Variants in PDE11A observed in about 807,000 individuals in gnomAD.
The protein encoded by PDE11A is phosphodiesterase 11A, also known as dual 3',5'-cyclic-AMP and -GMP phosphodiesterase 11A.
Under a neutral mutation model 100.5 loss-of-function variants are expected in PDE11A, and 100 were observed. The observed-to-expected ratio is 1.00, with a 90% CI of 0.85 to 1.18. PDE11A has a LOEUF of 1.18. Ranked by LOEUF, PDE11A falls within the 50% of genes most tolerant of loss-of-function variation. PDE11A has a pLI of 0.00. For missense variants in PDE11A, 1,141 were observed against 1,152.6 expected (o/e 0.99, Z 0.15); for synonymous variants, 381 against 420.8 (o/e 0.91, Z 1.16).
chr2:177,958,054 C>A (rs1405833616), intron 2 of PDE11A, among the ~76,000 whole-genome samples: 1 of 151,974 alleles, frequency 6.6e-6, no homozygotes, highest in African/African-American at 2.4e-5. Context: ...CCATGCCCTG[C>A]TAATTTTTGT....
At chr2:177,884,794 G>A (rs2084400252) in intron 4 of PDE11A, among the ~76,000 whole-genome samples, 1 of 152,202 alleles carries the variant, frequency 6.6e-6, no homozygotes, top group African/African-American at 2.4e-5. Context: ...TGAGAGATCA[G>A]TAAAGACACA....
intron 9 of PDE11A, among the ~76,000 whole-genome samples, chr2:177,778,455 T>C (rs1306919373): frequency 6.6e-6 from 1 of 152,220 alleles, no homozygotes; most frequent in African/African-American, 2.4e-5. Context: ...GGATCCAGAC[T>C]GAGTGTCTCA....
intron 19 of PDE11A, among the ~76,000 whole-genome samples, chr2:177,661,134 A>T (rs1438875500): frequency 6.6e-6 from 1 of 152,180 alleles, no homozygotes; most frequent in African/African-American, 2.4e-5. Context: ...CCTTGGGGTC[A>T]GGCCTTAGCT....
At chr2:177,678,410 T>C (rs577599189) in intron 16 of PDE11A, among the ~76,000 whole-genome samples, 1 of 151,240 alleles carries the variant, frequency 6.6e-6, no homozygotes, top group South Asian at 2.1e-4. Context: ...ATAATAAACA[T>C]GTGCTTATTT....
chr2:177,986,830 C>CA (rs57382231), intron 2 of PDE11A, among the ~76,000 whole-genome samples: 13,888 of 94,366 alleles, frequency 0.15, 886 homozygotes, highest in Admixed American at 0.31. Flanking sequence ...GACTCCATCT[C>CA]AAAAAAAAAA....
chr2:178,071,439 A>G (rs75701232), intron 1 of PDE11A, 87 bp downstream of exon 1: 2 of 1,562,176 alleles, frequency 1.3e-6, no homozygotes, highest in South Asian at 2.3e-5. Context: ...GCCTAAATTA[A>G]TGTGTTCCTG....
chr2:177,714,072 C>T (rs2081400019), intron 12 of PDE11A, among the ~76,000 whole-genome samples: 1 of 133,032 alleles, frequency 7.5e-6, no homozygotes, highest in African/African-American at 2.8e-5. Flanking sequence ...TGGCTAACTG[C>T]AAGCTCCGCT....
At chr2:178,102,428 GTTTTT>G (rs769341186) in intron 2 of PDE11A, among the ~76,000 whole-genome samples, 14 of 55,366 alleles carry the variant, frequency 2.5e-4, no homozygotes, top group East Asian at 7.8e-4. Flanking sequence ...CCTGGTCTAA[GTTTTT>G]TTTTTTTTTT....
intron 19 of PDE11A, among the ~76,000 whole-genome samples, chr2:177,649,965 A>G (rs1169092744): frequency 6.6e-6 from 1 of 152,256 alleles, no homozygotes; most frequent in Non-Finnish European, 1.5e-5. Context: ...AAAAAGGCTT[A>G]CAAGTACAGG....
In PDE11A at chr2:178,096,809, C is replaced by T. The variant is rs1427857093; in HGVS notation, c.162+7493G>A. On this transcript the variant is annotated intron_variant, in intron 2 of 20. Coordinates refer to the PDE11A transcript ENST00000358450. Reference sequence around the variant, plus strand: ...TAGGAAGCTCCCAACTTTCTCATATCTTCCTGTCTTCTGAGCCCTCCAAAT... The same window carrying T: ...TAGGAAGCTCCCAACTTTCTCATATTTTCCTGTCTTCTGAGCCCTCCAAAT... 2.3e-4 allele frequency among the ~76,000 whole-genome samples: 35 copies of T among 152,200 alleles called. 1 individual carries two copies. The highest frequency in any genetic ancestry group is 2.3e-3 in the Admixed American group (35 of 15,280).
intron 18 of PDE11A, among the ~76,000 whole-genome samples, chr2:177,665,286 A>G (rs1055135991): frequency 6.8e-6 from 1 of 147,338 alleles, no homozygotes; most frequent in African/African-American, 2.5e-5. Context: ...AGCCTGGACA[A>G]CAGAGTGAAG....
intron 14 of PDE11A, among the ~76,000 whole-genome samples, chr2:177,699,277 A>G (rs2081162804): frequency 6.6e-6 from 1 of 152,176 alleles, no homozygotes; most frequent in Non-Finnish European, 1.5e-5. Flanking sequence ...CTGTAACGCA[A>G]TGGTTGGTAT....
At chr2:178,002,958 A>T (rs1269866126) in intron 2 of PDE11A, among the ~76,000 whole-genome samples, 1 of 152,182 alleles carries the variant, frequency 6.6e-6, no homozygotes, top group Non-Finnish European at 1.5e-5. Context: ...GATGATCGAC[A>T]TCATTAGCCA....
At chr2:178,082,812 G>A (rs530129609) in intron 2 of PDE11A, among the ~76,000 whole-genome samples, 1 of 152,304 alleles carries the variant, frequency 6.6e-6, no homozygotes, top group East Asian at 1.9e-4. Flanking sequence ...CCACTCCATG[G>A]TCGGTGGGGC....
intron 5 of PDE11A, among the ~76,000 whole-genome samples, chr2:177,850,413 A>G (rs1190653273): frequency 1.3e-5 from 2 of 152,176 alleles, no homozygotes; most frequent in African/African-American, 2.4e-5. Flanking sequence ...TAAATGTTAG[A>G]CCTAAAACCA....
At chr2:177,664,908 C>T (rs573030986) in intron 18 of PDE11A, among the ~76,000 whole-genome samples, 22 of 152,128 alleles carry the variant, frequency 1.4e-4, no homozygotes, top group African/African-American at 5.3e-4. Context: ...CCAAGCAATC[C>T]CTTTGGTCCA....
chr2:178,095,038 A>G (rs140980449), intron 2 of PDE11A, among the ~76,000 whole-genome samples: 1 of 152,284 alleles, frequency 6.6e-6, no homozygotes, highest in East Asian at 1.9e-4. Flanking sequence ...GCCAAACCAT[A>G]TCATTCCACC....
intron 19 of PDE11A, among the ~76,000 whole-genome samples, chr2:177,640,800 C>T (rs116054346): frequency 0.025 from 3,881 of 152,274 alleles, 144 homozygotes; most frequent in African/African-American, 0.087. Flanking sequence ...TTCCCTCAAG[C>T]CTTCCTCTTA....
At chr2:177,987,622 G>A (rs2105807527) in intron 2 of PDE11A, among the ~76,000 whole-genome samples, 1 of 152,336 alleles carries the variant, frequency 6.6e-6, no homozygotes. Context: ...ATTGCAGGAT[G>A]AGTAGAAAAC....
Sources: allele counts gnomAD v4.1 joint callset (sites outside exome capture counted in the v4.1 genomes callset), GRCh38; gene constraint gnomAD v4.1.1; transcripts MANE v1.5; gene names NCBI Gene and HGNC (gene_info 2026-07-23, HGNC 2026-07-21).